The following PIF1 variants were observed in gnomAD, a reference collection of about 807,000 sequenced individuals.
The protein encoded by PIF1 is ATP-dependent DNA helicase PIF1.
A neutral mutation model predicts 62.3 loss-of-function variants in PIF1; 67 were observed. That is an observed-to-expected ratio of 1.08 (90% CI 0.88 to 1.32). The LOEUF (loss-of-function observed/expected upper bound fraction) is 1.32, where lower values mean the gene tolerates loss of function less well. Ranked by LOEUF, PIF1 falls within the 40% of genes most tolerant of loss-of-function variation. PIF1 has a pLI of 0.00. For missense variants in PIF1, 886 were observed against 866.1 expected (o/e 1.02, Z -0.29); for synonymous variants, 364 against 379.5 (o/e 0.96, Z 0.47).
chr15:64,826,195 T>G (rs1595820692), upstream of PIF1, among the ~76,000 whole-genome samples: 1 of 150,582 alleles, frequency 6.6e-6, no homozygotes, highest in South Asian at 2.1e-4. Context: ...GGCCCATGAG[T>G]GAGAAACTCT....
chr15:64,819,137 GA>G lies in PIF1; in HGVS notation c.1419del (p.Gln474AsnfsTer2). 2 of 1,594,238 alleles carry G rather than the reference GA, an allele frequency of 1.3e-6. No individual in the cohort carries two copies. The highest frequency in any genetic ancestry group is 1.4e-5 in the African/African-American group (1 of 73,466). ...CTCACCTGGGCCCCCAGCTTTAGTT[GA>G]AGGAGCTGGCTAACAGGACACTGGG... ...LDAQCPVSQL[L>X]QLKLGAQVML... On this transcript the variant is annotated frameshift_variant, in exon 9 of 13. Coordinates refer to ENST00000559239, the MANE Select transcript of PIF1 (RefSeq NM_001286496.2). LOFTEE classifies it high-confidence loss of function.
In PIF1 at chr15:64,818,345, C is replaced by A. The variant is rs1401170445; in HGVS notation, c.1441-1G>T. 1 of 1,614,006 alleles carries A rather than the reference C, an allele frequency of 6.2e-7. No individual in the cohort carries two copies. Among genetic ancestry groups the A allele is most frequent in the South Asian group, 1.1e-5 (1 of 91,076 alleles). On this transcript the variant is annotated splice_acceptor_variant, in intron 9 of 12. Transcript: ENST00000559239. LOFTEE classifies it high-confidence loss of function. ...CCGATAAGTTTTTCACCAGCATCAC[C>A]TGCAAGGGAGAGAGAGGAATGGACA...
chr15:64,819,397 G>A (rs556483639), intron 8 of PIF1, among the ~76,000 whole-genome samples, 174 bp from the exon 9 acceptor site: 1 of 152,238 alleles, frequency 6.6e-6, no homozygotes, highest in South Asian at 2.1e-4. Context: ...TGCAACCTCT[G>A]CCTCCTGGGT....
rs1181472526 is a variant in PIF1 at position 64,824,128 on chromosome 15, G to A, written c.208C>T (p.Pro70Ser). The A allele has an allele frequency of 1.2e-5, 15 of 1,285,264 alleles. No individual in the cohort carries two copies. Among genetic ancestry groups the A allele is most frequent in the Middle Eastern group, 5.9e-4 (2 of 3,372 alleles). 79.6% of individuals were successfully genotyped at this position (1,285,264 alleles called of 1,614,324 possible). The change falls in exon 2 of 13, where the codon CCT (proline) becomes TCT (serine). Residue 70 changes from proline (P) to serine (S), a missense_variant. Coordinates refer to ENST00000559239, the MANE Select transcript of PIF1 (RefSeq NM_001286496.2). ...GTGAAGAGGCGCGCGGCGCGCAGAG[G>A]AAAGCAGCGCGGCCGCCCCGCGGGC... The part of the protein sequence containing the change: ...PGPAGRPRCF[P>S]LRAARLFTRF...
rs1249464749 is a variant in PIF1 at position 64,824,042 on chromosome 15, G to A, written c.294C>T (p.Ala98=). 3 of 1,266,100 alleles carry A rather than the reference G, an allele frequency of 2.4e-6. No individual in the cohort carries two copies. Among genetic ancestry groups the A allele is most frequent in the Non-Finnish European group, 3.0e-6 (3 of 1,007,238 alleles). The allele number at this position is 1,266,100 out of a possible 1,614,324, so 78.4% of individuals were successfully genotyped here. ...CCGAGAGCAGCAGCTGCACTGCGCC[G>A]GCCCCGGGGGTGTCGTGGGCGGGGA... ...LRLPAHDTPG[A]GAVQLLLSDC... The change falls in exon 2 of 13, where the codon GCC becomes GCT. Residue 98 remains alanine, a synonymous_variant. Coordinates refer to ENST00000559239, the MANE Select transcript of PIF1 (RefSeq NM_001286496.2).
chr15:64,824,256 C>A lies in PIF1; in HGVS notation c.80G>T (p.Ser27Ile). The change falls in exon 2 of 13, where the codon AGC becomes ATC. Residue 27 changes from serine (S) to isoleucine (I), a missense_variant. Physicochemically the swap from Ser to Ile is moderately radical, Grantham distance 142. Transcript: ENST00000559239. ...GCGCCTTCGCGGCTGCCCGCCCGGG[C>A]TCAGCTCCTCCACAGCCACGCGGCA... ...LRCRVAVEEL[S>I]PGGQPRRRQA... The A allele has an allele frequency of 7.7e-7, 1 of 1,304,408 alleles. No homozygotes were observed. 80.8% of individuals were successfully genotyped at this position (1,304,408 alleles called of 1,614,324 possible). A position where few individuals can be genotyped will look rare whatever the true frequency, so the allele number is the denominator to read the frequency against.
Position 64,821,253 on chromosome 15 carries a change from C to A in PIF1, c.1000G>T (p.Gly334Ter). The A allele has an allele frequency of 6.2e-7, 1 of 1,614,218 alleles. No homozygotes were observed. Among genetic ancestry groups the A allele is most frequent in the Non-Finnish European group, 8.5e-7 (1 of 1,180,036 alleles). Residue 334 changes from glycine to a stop codon, truncating the protein, a stop_gained, in exon 6 of 13, where the codon GGA (glycine) becomes TGA (stop). Coordinates refer to ENST00000559239, the MANE Select transcript of PIF1 (RefSeq NM_001286496.2). LOFTEE classifies it high-confidence loss of function. ...CCACAGATGATGAGCTGGATCCCTCCGAATGGCTTGTTCTGCTGCCGGACA... is the reference window on the plus strand; with the variant it reads ...CCACAGATGATGAGCTGGATCCCTCAGAATGGCTTGTTCTGCTGCCGGACA... ...RAVRQQNKPF[G>*]GIQLIICGDF...
chr15:64,826,653 T>TAC (rs1567090277), upstream of PIF1, among the ~76,000 whole-genome samples: 1 of 37,890 alleles, frequency 2.6e-5, no homozygotes, highest in Non-Finnish European at 5.7e-5. Context: ...TATATATATA[T>TAC]ATATATATAT....
chr15:64,826,679 C>A (rs1350837470), upstream of PIF1, among the ~76,000 whole-genome samples: 1 of 89,144 alleles, frequency 1.1e-5, no homozygotes, highest in Non-Finnish European at 2.5e-5. Context: ...CACACACACA[C>A]ATATATACAC....
chr15:64,817,152 T>TACAATTTA (rs1408168789), intron 11 of PIF1, among the ~76,000 whole-genome samples: 7,342 of 152,036 alleles, frequency 0.048, 235 homozygotes, highest in African/African-American at 0.079. Flanking sequence ...TATACAATTT[T>TACAATTTA]ACGTATCTAG....
intron 4 of PIF1, chr15:64,822,043 A>G (rs117800415): frequency 0.093 from 52,228 of 558,732 alleles, 3,028 homozygotes; most frequent in Non-Finnish European, 0.12. Flanking sequence ...CCCGGCCGCT[A>G]ATTTTTAAAT....
At position 64,819,157 on chromosome 15, in the gene PIF1, C is replaced by G. The variant is rs144919304; in HGVS notation, c.1400G>C (p.Cys467Ser). 29 of 1,600,604 alleles carry G rather than the reference C, an allele frequency of 1.8e-5. No homozygotes were observed. The African/African-American group carries it at 3.7e-4, about 20-fold the overall frequency. The change falls in exon 9 of 13, where the codon TGT (cysteine) becomes TCT (serine). Residue 467 changes from cysteine to serine, a missense_variant. Coordinates refer to ENST00000559239, the MANE Select transcript of PIF1 (RefSeq NM_001286496.2). ...PELASTLDAQ[C>S]PVSQLLQLKL... ...TAGTTGAAGGAGCTGGCTAACAGGA[C>G]ACTGGGCATCCAGGGTACTGGCCAG...
chr15:64,817,853 C>A, intron 11 of PIF1, 93 bp downstream of exon 11: 5 of 1,419,710 alleles, frequency 3.5e-6, no homozygotes, highest in Non-Finnish European at 4.7e-6. Context: ...CAGAGCAAGA[C>A]TCTGTCTCAA....
intron 7 of PIF1, 29 bp downstream of exon 7, chr15:64,820,953 T>C (rs778017397): frequency 2.5e-6 from 4 of 1,593,650 alleles, no homozygotes; most frequent in East Asian, 2.2e-5. Flanking sequence ...CCTCATCCCA[T>C]AGCCCCTTCC....
At chr15:64,824,427 G>A in intron 1 of PIF1, 73 bp from the exon 2 acceptor site, 1 of 1,055,280 alleles carries the variant, frequency 9.5e-7, no homozygotes, top group Non-Finnish European at 1.2e-6. Flanking sequence ...GACGTAATGG[G>A]TGCTATAAAG....
chr15:64,823,125 CT>C, intron 2 of PIF1: 6 of 162,470 alleles, frequency 3.7e-5, no homozygotes, highest in Non-Finnish European at 6.6e-5. Flanking sequence ...CAACTGTTGG[CT>C]GCCCAGGACA....
chr15:64,820,879 AG>A, intron 7 of PIF1, 102 bp downstream of exon 7: 2 of 1,031,232 alleles, frequency 1.9e-6, no homozygotes, highest in Non-Finnish European at 2.9e-6. Context: ...CTTGCTCCTG[AG>A]GGTAACAATT....
At chr15:64,818,758 AC>A in intron 9 of PIF1, 1 of 297,900 alleles carries the variant, frequency 3.4e-6, no homozygotes, top group African/African-American at 2.2e-5. Context: ...TCTTCTGCCC[AC>A]CCCCAACATT....
chr15:64,822,776 G>A (rs987466569), intron 2 of PIF1, among the ~76,000 whole-genome samples, 166 bp from the exon 3 acceptor site: 21 of 152,026 alleles, frequency 1.4e-4, no homozygotes, highest in African/African-American at 5.1e-4. Context: ...AACTATTGGG[G>A]TCCCGATCTC....
Sources: allele counts gnomAD v4.1 joint callset (sites outside exome capture counted in the v4.1 genomes callset), GRCh38; gene constraint gnomAD v4.1.1; transcripts MANE v1.5; gene names NCBI Gene and HGNC (gene_info 2026-07-23, HGNC 2026-07-21).